The following TLCD4 variants were observed in gnomAD, a reference collection of about 807,000 sequenced individuals.
TLCD4 encodes TLC domain containing 4, also known as TLC domain-containing protein 4.
A neutral mutation model predicts 24.2 loss-of-function variants in TLCD4; 7 were observed. The observed-to-expected ratio is 0.29, with a 90% CI of 0.16 to 0.54. The LOEUF (loss-of-function observed/expected upper bound fraction) is 0.54. Among genes scored for constraint, TLCD4 ranks in the 20% least tolerant of loss-of-function variants. TLCD4 has a pLI of 0.95. For synonymous variants in TLCD4, 103 were observed against 106.4 expected (o/e 0.97, Z 0.20); for missense variants, 259 against 313.9 (o/e 0.82, Z 1.32).
intron 5 of TLCD4, among the ~76,000 whole-genome samples, chr1:95,157,366 A>G (rs1677661336): frequency 1.3e-5 from 2 of 152,320 alleles, no homozygotes; most frequent in Admixed American, 6.5e-5. Context: ...TTCATTTTAC[A>G]TATTGAAGTG....
Position 95,191,704 on chromosome 1 carries a change from A to G in TLCD4, c.628A>G (p.Arg210Gly), listed in dbSNP as rs912349356. 1 of 1,614,158 alleles carries G rather than the reference A, an allele frequency of 6.2e-7. No homozygotes were observed. The highest frequency in any genetic ancestry group is 2.2e-5 in the East Asian group (1 of 44,862). ...CGTGTATGGAACAGAACCCTACATA[A>G]GGCTTGGAGTTTTAATCCAGTTATC... ...YSVYGTEPYI[R>G]LGVLIQLSWV... The change falls in exon 7 of 7, where the codon AGG (arginine) becomes GGG (glycine). Residue 210 changes from arginine to glycine, a missense_variant. Transcript: ENST00000370203.
At chr1:95,100,857 T>C in the TLCD4 span, among the ~76,000 whole-genome samples, 58 of 152,108 alleles carry the variant, frequency 3.8e-4, no homozygotes, top group African/African-American at 1.4e-3. Flanking sequence ...ATAACTGGAA[T>C]GCAACCCCAA....
At chr1:95,140,424 C>T (rs188457953) in intron 1 of TLCD4, among the ~76,000 whole-genome samples, 1 of 152,176 alleles carries the variant, frequency 6.6e-6, no homozygotes, top group Non-Finnish European at 1.5e-5. Context: ...ACTGAAACAT[C>T]GTTATGCAGT....
At chr1:95,105,528 T>C in the TLCD4 span, among the ~76,000 whole-genome samples, 5 of 152,238 alleles carry the variant, frequency 3.3e-5, no homozygotes, top group Non-Finnish European at 7.3e-5. Context: ...ATGAATATAT[T>C]ACTTCATTTG....
At position 95,196,849 on chromosome 1, in the gene TLCD4, GT is replaced by G. The variant is rs1470099987; in HGVS notation, c.*4984del. On this transcript the variant is annotated 3_prime_UTR_variant, in exon 7 of 7. Coordinates refer to ENST00000370203, the MANE Select transcript of TLCD4 (RefSeq NM_152487.3). ...TATAGAATGTGCTCTGTGTTTTTCT[GT>G]TTCCTGCTTGGTTTGTTTCTGGTAT... 1.3e-5 allele frequency: 2 copies of G among 151,926 alleles called. No individual in the cohort carries two copies. The highest frequency in any genetic ancestry group is 2.9e-5 in the Non-Finnish European group (2 of 67,954). The allele number at this position is 151,926 out of a possible 1,614,324, so 9.4% of individuals were successfully genotyped here.
At chr1:95,187,244 A>G (rs1678856561) in intron 6 of TLCD4, among the ~76,000 whole-genome samples, 1 of 152,198 alleles carries the variant, frequency 6.6e-6, no homozygotes. Flanking sequence ...GTTGTTAACA[A>G]TTAGCGAGCC....
In TLCD4 at chr1:95,160,099, C is replaced by T. The variant is rs1437306984; in HGVS notation, c.399+8680C>T. On this transcript the variant is annotated intron_variant, in intron 5 of 6. Transcript: ENST00000370203. ...TGAATCTATAAATTACCTTGGGCAG[C>T]ATGGCCATTTTCACGATATTGATTC... Among the ~76,000 whole-genome samples the T allele has an allele frequency of 8.5e-5, 13 of 152,254 alleles. No homozygotes were observed. In the South Asian group the frequency reaches 2.5e-3, roughly 29 times the overall value.
intron 5 of TLCD4, among the ~76,000 whole-genome samples, chr1:95,152,394 C>A (rs1305176766): frequency 6.6e-6 from 1 of 151,844 alleles, no homozygotes; most frequent in Non-Finnish European, 1.5e-5. Context: ...ATCACTTATG[C>A]AATAATGAGA....
At chr1:95,139,692 T>G (rs1489691785) in intron 1 of TLCD4, among the ~76,000 whole-genome samples, 1 of 152,044 alleles carries the variant, frequency 6.6e-6, no homozygotes, top group Non-Finnish European at 1.5e-5. Context: ...ACACTTGACC[T>G]CAGGTGATCC....
chr1:95,154,481 A>T (rs1389874593), intron 5 of TLCD4, among the ~76,000 whole-genome samples: 2 of 152,176 alleles, frequency 1.3e-5, no homozygotes, highest in Non-Finnish European at 2.9e-5. Flanking sequence ...TCTATAAGGC[A>T]CAGCTCATTG....
chr1:95,161,639 A>G (rs1311929341), intron 5 of TLCD4, among the ~76,000 whole-genome samples: 3 of 152,184 alleles, frequency 2.0e-5, no homozygotes, highest in Non-Finnish European at 4.4e-5. Context: ...GTGGGCATTT[A>G]GTGCAATAAA....
chr1:95,187,781 G>T (rs1423283698), intron 6 of TLCD4, among the ~76,000 whole-genome samples: 1 of 152,174 alleles, frequency 6.6e-6, no homozygotes, highest in South Asian at 2.1e-4. Flanking sequence ...GCCACAGTCT[G>T]GGTGGCTTAA....
intron 5 of TLCD4, among the ~76,000 whole-genome samples, chr1:95,165,526 C>T (rs1409848223): frequency 2.7e-5 from 4 of 148,078 alleles, no homozygotes; most frequent in Admixed American, 6.8e-5. Flanking sequence ...AGTGCAATGG[C>T]GTGATCTTGG....
At chr1:95,132,330 G>C (rs566122532) in intron 1 of TLCD4, among the ~76,000 whole-genome samples, 4 of 151,874 alleles carry the variant, frequency 2.6e-5, no homozygotes, top group Non-Finnish European at 5.9e-5. Context: ...GGTGGCACAC[G>C]TCTGTAATCC....
At chr1:95,187,677 C>T (rs1678873173) in intron 6 of TLCD4, among the ~76,000 whole-genome samples, 1 of 152,156 alleles carries the variant, frequency 6.6e-6, no homozygotes, top group African/African-American at 2.4e-5. Flanking sequence ...TAAAGTTATT[C>T]CTTACACCTG....
At chr1:95,190,649 T>G (rs900510594) in intron 6 of TLCD4, among the ~76,000 whole-genome samples, 1 of 151,250 alleles carries the variant, frequency 6.6e-6, no homozygotes, top group Non-Finnish European at 1.5e-5. Context: ...TTCAAACCCC[T>G]GACCTCAGGT....
chr1:95,160,302 CTGTT>C (rs1311677967), intron 5 of TLCD4, among the ~76,000 whole-genome samples: 2 of 152,112 alleles, frequency 1.3e-5, no homozygotes, highest in Admixed American at 6.6e-5. Context: ...ATTTGGTTCT[CTGTT>C]TGTCTGTTAT....
chr1:95,191,683 T>A lies in TLCD4; in HGVS notation c.607T>A (p.Tyr203Asn). The change falls in exon 7 of 7, where the codon TAT becomes AAT. Residue 203 changes from tyrosine to asparagine, a missense_variant. Transcript: ENST00000370203. ...TCATTATGGCTTCATGTATTCCGTGTATGGAACAGAACCCTACATAAGGCT... is the reference window on the plus strand; with the variant it reads ...TCATTATGGCTTCATGTATTCCGTGAATGGAACAGAACCCTACATAAGGCT... ...LPHYGFMYSV[Y>N]GTEPYIRLGV... The A allele has an allele frequency of 6.2e-7, 1 of 1,614,180 alleles. No homozygotes were observed. Among genetic ancestry groups the A allele is most frequent in the South Asian group, 1.1e-5 (1 of 91,076 alleles).
At chr1:95,164,104 G>A (rs1677928278) in intron 5 of TLCD4, 1 of 152,382 alleles carries the variant, frequency 6.6e-6, no homozygotes, top group African/African-American at 2.4e-5. Flanking sequence ...CAGAGGTGGA[G>A]TCTACAGAGG....
Sources: gnomAD v4.1 joint callset for allele counts (sites outside exome capture counted in the v4.1 genomes callset) on GRCh38, gnomAD v4.1.1 for gene constraint, MANE v1.5 for transcripts, NCBI Gene and HGNC (gene_info 2026-07-23, HGNC 2026-07-21) for gene names.